TXLNB: variants seen among roughly 807,000 people sequenced by gnomAD.
TXLNB encodes the protein beta-taxilin.
Under a neutral mutation model 57.4 loss-of-function variants are expected in TXLNB, and 37 were observed. The observed-to-expected ratio is 0.64, with a 90% CI of 0.50 to 0.85. The LOEUF is 0.85. TXLNB is among the 40% of genes least tolerant of loss of function. The probability of loss-of-function intolerance (pLI) is 0.00; values close to 1 mark genes in which losing one functional copy is unlikely to be tolerated. For missense variants in TXLNB, 848 were observed against 825.6 expected, an observed-to-expected ratio of 1.03 and a Z score of -0.33; for synonymous variants, 302 against 309.6, an observed-to-expected ratio of 0.98 and a Z score of 0.26.
At chr6:139,182,904 G>A in the TXLNB span, 21 of 152,294 alleles carry the variant, frequency 1.4e-4, no homozygotes, top group Admixed American at 7.2e-4. Flanking sequence ...ATTGGCTACC[G>A]TAGCACCATT....
At chr6:139,184,690 A>C in the TXLNB span, among the ~76,000 whole-genome samples, 5 of 152,204 alleles carry the variant, frequency 3.3e-5, no homozygotes, top group Non-Finnish European at 5.9e-5. Context: ...ATTTGATAGC[A>C]TTGATCTATC....
At chr6:139,256,938 G>C (rs1776360130) in intron 6 of TXLNB, among the ~76,000 whole-genome samples, 1 of 152,140 alleles carries the variant, frequency 6.6e-6, no homozygotes, top group Non-Finnish European at 1.5e-5. Flanking sequence ...TTGACCTATT[G>C]GTCTAAATCC....
intron 4 of TXLNB, 70 bp from the exon 5 acceptor site, chr6:139,262,843 T>C (rs541798948): frequency 6.7e-7 from 1 of 1,495,366 alleles, no homozygotes; most frequent in Admixed American, 2.0e-5. Flanking sequence ...TTAGGTCACC[T>C]AAAGGAGATA....
At chr6:139,216,857 A>T in the TXLNB span, among the ~76,000 whole-genome samples, 1 of 152,160 alleles carries the variant, frequency 6.6e-6, no homozygotes, top group African/African-American at 2.4e-5. Context: ...GACTTTGGGG[A>T]CTTGCAGGGA....
intron 2 of TXLNB, among the ~76,000 whole-genome samples, chr6:139,285,476 A>G (rs897195613): frequency 6.9e-6 from 1 of 144,050 alleles, no homozygotes; most frequent in Admixed American, 6.8e-5. Context: ...GAGAAGAAAA[A>G]ATTGCTCTGT....
chr6:139,214,480 A>C, the TXLNB span, among the ~76,000 whole-genome samples: 1 of 152,232 alleles, frequency 6.6e-6, no homozygotes, highest in Non-Finnish European at 1.5e-5. Flanking sequence ...AACATATCTC[A>C]AAATAATAAG....
At chr6:139,259,299 T>C (rs1374018112) in intron 6 of TXLNB, among the ~76,000 whole-genome samples, 2 of 152,232 alleles carry the variant, frequency 1.3e-5, no homozygotes, top group Non-Finnish European at 2.9e-5. Context: ...TTTCCCATTG[T>C]ATTTAGAATG....
the TXLNB span, among the ~76,000 whole-genome samples, chr6:139,227,373 A>G: frequency 6.6e-6 from 1 of 152,092 alleles, no homozygotes; most frequent in Non-Finnish European, 1.5e-5. Context: ...AAAAAACGAC[A>G]GTGAGATATT....
chr6:139,208,789 C>T, the TXLNB span, among the ~76,000 whole-genome samples: 1 of 152,138 alleles, frequency 6.6e-6, no homozygotes, highest in African/African-American at 2.4e-5. Flanking sequence ...AGGGACATAG[C>T]TGAAGGTAAT....
the TXLNB span, chr6:139,198,001 T>TA: frequency 6.6e-6 from 1 of 152,260 alleles, no homozygotes; most frequent in Admixed American, 6.5e-5. Context: ...TGAGTACTGT[T>TA]ACACTGGCCA....
chr6:139,227,428 A>T, the TXLNB span, among the ~76,000 whole-genome samples: 1 of 152,144 alleles, frequency 6.6e-6, no homozygotes, highest in Non-Finnish European at 1.5e-5. Context: ...CTGATACATG[A>T]TGTGTGGGGA....
At chr6:139,182,465 T>G in the TXLNB span, among the ~76,000 whole-genome samples, 1 of 152,212 alleles carries the variant, frequency 6.6e-6, no homozygotes, top group Non-Finnish European at 1.5e-5. Context: ...TTACTTCTTA[T>G]TGGTGGTTTC....
At chr6:139,188,837 C>A in the TXLNB span, among the ~76,000 whole-genome samples, 1 of 150,018 alleles carries the variant, frequency 6.7e-6, no homozygotes, top group African/African-American at 2.5e-5. Context: ...TCACTGCAAC[C>A]TCCACCTCCA....
At chr6:139,215,739 C>T in the TXLNB span, among the ~76,000 whole-genome samples, 3 of 152,234 alleles carry the variant, frequency 2.0e-5, no homozygotes, top group East Asian at 5.8e-4. Flanking sequence ...GGACAAAGGG[C>T]TAATATCCAG....
the TXLNB span, chr6:139,183,149 A>T: frequency 1.3e-5 from 2 of 152,198 alleles, no homozygotes; most frequent in Non-Finnish European, 2.9e-5. Context: ...AATTGTACTC[A>T]TTTTAGAGGT....
At chr6:139,257,766 CA>C (rs1239407720) in intron 6 of TXLNB, among the ~76,000 whole-genome samples, 3 of 152,162 alleles carry the variant, frequency 2.0e-5, no homozygotes, top group Admixed American at 6.5e-5. Flanking sequence ...TAATCAGAAC[CA>C]AAAAAACTAA....
chr6:139,290,153 G>A (rs371319920), intron 1 of TXLNB, among the ~76,000 whole-genome samples: 5 of 152,154 alleles, frequency 3.3e-5, no homozygotes, highest in South Asian at 4.1e-4. Context: ...TTAGGAAGCC[G>A]AGGCGGGTGG....
chr6:139,193,822 T>TTTTATATATA, the TXLNB span, among the ~76,000 whole-genome samples: 133 of 92,548 alleles, frequency 1.4e-3, 1 homozygote, highest in African/African-American at 4.3e-3. Flanking sequence ...CCTGGCTAAT[T>TTTTATATATA]TATATATATA....
At chr6:139,263,391 T>C (rs1358130770) in intron 4 of TXLNB, among the ~76,000 whole-genome samples, 2 of 152,230 alleles carry the variant, frequency 1.3e-5, no homozygotes, top group African/African-American at 2.4e-5. Flanking sequence ...ACATGCTGGA[T>C]ATTATTTTGT....
Sources: gnomAD v4.1 joint callset for allele counts (sites outside exome capture counted in the v4.1 genomes callset) on GRCh38, gnomAD v4.1.1 for gene constraint, MANE v1.5 for transcripts, NCBI Gene and HGNC (gene_info 2026-07-23, HGNC 2026-07-21) for gene names.